Variants in CPA6 observed in about 807,000 individuals in gnomAD.
CPA6 encodes carboxypeptidase B.
CPA6 carries 58 observed loss-of-function variants against 63.3 expected under a neutral mutation model. The observed-to-expected ratio is 0.92, with a 90% CI of 0.74 to 1.14. The LOEUF (loss-of-function observed/expected upper bound fraction) is 1.14, where lower values mean the gene tolerates loss of function less well. CPA6 is among the 50% of genes most tolerant of loss of function. The pLI is 0.00. For synonymous variants in CPA6, 185 were observed against 179.0 expected (o/e 1.03, Z -0.27); for missense variants, 565 against 526.6 (o/e 1.07, Z -0.71).
At position 67,607,147 on chromosome 8, in the gene CPA6, C is replaced by CCT. The variant is rs200089087; in HGVS notation, c.192+17028_192+17029insAG. Among the ~76,000 whole-genome samples, 27 of 46,440 alleles carry CCT rather than the reference C, an allele frequency of 5.8e-4. 9 individuals are homozygous for CCT. In the East Asian group the frequency reaches 0.018, roughly 31 times the overall value. The allele number at this position is 46,440 out of a possible 152,430, so 30.5% of individuals were successfully genotyped here. The stretch of plus-strand genomic sequence containing the variant: ...TCCTCCTCCTCCTCCCCCTCCTCCC[C>CCT]CCCCTCCTCTTCTTCTTCTTCCTCT... On this transcript the variant is annotated intron_variant, in intron 2 of 10. Transcript: ENST00000297770.
chr8:67,477,280 A>T (rs1811261908), intron 8 of CPA6, among the ~76,000 whole-genome samples: 1 of 128,010 alleles, frequency 7.8e-6, no homozygotes, highest in Non-Finnish European at 1.6e-5. Flanking sequence ...ACAGAGGGAG[A>T]CTCCATCTCA....
In CPA6 at chr8:67,506,846, A is replaced by G. The variant is rs1811939061; in HGVS notation, c.577T>C (p.Cys193Arg). 6.2e-7 allele frequency: 1 copy of G among 1,613,586 alleles called. No individual in the cohort carries two copies. Among genetic ancestry groups the G allele is most frequent in the South Asian group, 1.1e-5 (1 of 91,072 alleles). Reference protein sequence around the residue: ...SRLKRAVWIDCGIHAREWIGP... With the variant: ...SRLKRAVWIDRGIHAREWIGP... The stretch of plus-strand genomic sequence containing the variant: ...ATCCATTCTCTTGCATGAATACCAC[A>G]GTCTATCCAAACAGCTCTTTTGAGT... The change falls in exon 6 of 11, where the codon TGT (cysteine) becomes CGT (arginine). Residue 193 changes from cysteine (C) to arginine (R), a missense_variant. Cys to Arg is a radical substitution (Grantham distance 180). Transcript: ENST00000297770.
intron 2 of CPA6, among the ~76,000 whole-genome samples, chr8:67,528,164 T>C (rs1812404247): frequency 6.6e-6 from 1 of 152,228 alleles, no homozygotes; most frequent in South Asian, 2.1e-4. Context: ...TGACGTGCAG[T>C]GTGATTAACC....
rs189610044 is a variant in CPA6 at position 67,562,742 on chromosome 8, T to C, written c.193-44695A>G. 7.9e-5 allele frequency among the ~76,000 whole-genome samples: 12 copies of C among 152,316 alleles called. No homozygotes were observed. The East Asian group carries it at 1.7e-3, about 22-fold the overall frequency. On this transcript the variant is annotated intron_variant, in intron 2 of 10. Transcript: ENST00000297770. ...TCCATGTAAGGACACAGTGGAAAGA[T>C]GCTGTCTCTCAATCTGGAAAAAGCC...
At position 67,484,674 on chromosome 8, in the gene CPA6, C is replaced by G. The variant is rs1020569472; in HGVS notation, c.747+5G>C. The stretch of plus-strand genomic sequence containing the variant: ...CTTTTCAACTGGGTAGGCAAAGTGA[C>G]TTACATTGGTCCAACTAAAATGGTA... On this transcript the variant is annotated splice_donor_5th_base_variant and intron_variant, in intron 7 of 10. Coordinates refer to ENST00000297770, the MANE Select transcript of CPA6 (RefSeq NM_020361.5). 1.4e-6 allele frequency: 2 copies of G among 1,470,936 alleles called. No individual in the cohort carries two copies. The highest frequency in any genetic ancestry group is 1.4e-5 in the African/African-American group (1 of 71,944). 91.1% of individuals were successfully genotyped at this position (1,470,936 alleles called of 1,614,324 possible). A position where few individuals can be genotyped will look rare whatever the true frequency, so the allele number is the denominator to read the frequency against.
intron 1 of CPA6, among the ~76,000 whole-genome samples, chr8:67,711,192 C>A (rs181561491): frequency 2.0e-5 from 3 of 152,190 alleles, no homozygotes; most frequent in African/African-American, 7.2e-5. Context: ...ACAAGGTTCT[C>A]GAGGAAAGAT....
At chr8:67,457,672 T>C (rs566807643) in intron 8 of CPA6, among the ~76,000 whole-genome samples, 32 of 150,906 alleles carry the variant, frequency 2.1e-4, no homozygotes, top group African/African-American at 7.4e-4. Flanking sequence ...ATAACCAAAA[T>C]AGATCATGTT....
chr8:67,618,123 G>C (rs1232837677), intron 2 of CPA6, among the ~76,000 whole-genome samples: 1 of 152,190 alleles, frequency 6.6e-6, no homozygotes, highest in Non-Finnish European at 1.5e-5. Flanking sequence ...AGCATTTCAG[G>C]AGAGAAGATG....
intron 2 of CPA6, among the ~76,000 whole-genome samples, chr8:67,534,610 A>G (rs573284375): frequency 1.9e-3 from 294 of 152,368 alleles, no homozygotes; most frequent in Non-Finnish European, 3.9e-3. Flanking sequence ...CTTTGGCAGT[A>G]TCAGGCAGTG....
At chr8:67,659,489 A>G (rs958604330) in intron 1 of CPA6, among the ~76,000 whole-genome samples, 6 of 152,260 alleles carry the variant, frequency 3.9e-5, no homozygotes, top group African/African-American at 1.2e-4. Flanking sequence ...GAGACTAATT[A>G]TAACATTGGC....
At chr8:67,563,165 C>A (rs960535162) in intron 2 of CPA6, among the ~76,000 whole-genome samples, 2 of 150,592 alleles carry the variant, frequency 1.3e-5, no homozygotes. Context: ...TGACAACATG[C>A]TTTACTTATT....
chr8:67,439,947 T>G (rs1810252219), intron 8 of CPA6, among the ~76,000 whole-genome samples: 1 of 152,064 alleles, frequency 6.6e-6, no homozygotes, highest in Non-Finnish European at 1.5e-5. Flanking sequence ...TATAGAAAAA[T>G]AAAGAAGATC....
At chr8:67,634,210 A>AT (rs1213859939) in intron 1 of CPA6, among the ~76,000 whole-genome samples, 1 of 131,228 alleles carries the variant, frequency 7.6e-6, no homozygotes, top group Non-Finnish European at 1.6e-5. Flanking sequence ...TATTATTATT[A>AT]TTATTATTAT....
chr8:67,652,993 A>G (rs190403843), intron 1 of CPA6, among the ~76,000 whole-genome samples: 6 of 152,046 alleles, frequency 3.9e-5, no homozygotes, highest in African/African-American at 1.4e-4. Context: ...TTATTAAATA[A>G]GGAATCCTTT....
chr8:67,543,765 C>T (rs1413520458), intron 2 of CPA6, among the ~76,000 whole-genome samples: 1 of 112,422 alleles, frequency 8.9e-6, no homozygotes, highest in Non-Finnish European at 2.1e-5. Flanking sequence ...ATTCCCTTTT[C>T]CCCCTCCACT....
At chr8:67,601,145 C>T (rs1380498511) in intron 2 of CPA6, among the ~76,000 whole-genome samples, 5 of 152,124 alleles carry the variant, frequency 3.3e-5, no homozygotes, top group Non-Finnish European at 1.5e-5. Context: ...ATAAATGCCA[C>T]ATAAATAATG....
intron 1 of CPA6, among the ~76,000 whole-genome samples, chr8:67,659,001 A>G (rs1195225475): frequency 6.6e-6 from 1 of 152,212 alleles, no homozygotes; most frequent in African/African-American, 2.4e-5. Context: ...TTGTATTTTT[A>G]AAAATTACAA....
At chr8:67,470,316 C>G (rs1811029864) in intron 8 of CPA6, among the ~76,000 whole-genome samples, 1 of 152,052 alleles carries the variant, frequency 6.6e-6, no homozygotes, top group Non-Finnish European at 1.5e-5. Context: ...AAGTGTGAGC[C>G]ACCACGCCCG....
intron 8 of CPA6, among the ~76,000 whole-genome samples, chr8:67,443,238 T>G (rs1810335493): frequency 6.6e-6 from 1 of 152,044 alleles, no homozygotes; most frequent in Non-Finnish European, 1.5e-5. Context: ...TTTTGTATTT[T>G]TAGTAGAGAC....
Sources: gnomAD v4.1 joint callset for allele counts (sites outside exome capture counted in the v4.1 genomes callset) on GRCh38, gnomAD v4.1.1 for gene constraint, MANE v1.5 for transcripts, NCBI Gene and HGNC (gene_info 2026-07-23, HGNC 2026-07-21) for gene names.